NMU: variants seen among roughly 807,000 people sequenced by gnomAD.
The protein encoded by NMU is neuromedin U.
NMU carries 29 observed loss-of-function variants against 35.4 expected under a neutral mutation model. That is an observed-to-expected ratio of 0.82 (90% CI 0.61 to 1.12). The LOEUF (loss-of-function observed/expected upper bound fraction) is 1.12. Among genes scored for constraint, NMU ranks in the 50% most tolerant of loss-of-function variants. NMU has a pLI of 0.00. For synonymous variants in NMU, 78 were observed against 81.3 expected, an observed-to-expected ratio of 0.96 and a Z score of 0.22; for missense variants, 199 against 206.2, an observed-to-expected ratio of 0.97 and a Z score of 0.21.
chr4:55,599,698 C>T (rs1200794647), intron 8 of NMU, among the ~76,000 whole-genome samples: 3 of 152,106 alleles, frequency 2.0e-5, no homozygotes, highest in Admixed American at 6.6e-5. Flanking sequence ...TTTCATCAAC[C>T]GATTCCCATT....
chr4:55,618,076 T>C (rs962934279), intron 2 of NMU, among the ~76,000 whole-genome samples: 2 of 152,242 alleles, frequency 1.3e-5, no homozygotes, highest in African/African-American at 4.8e-5. Context: ...TGGTTTTGAA[T>C]GCCACTGACT....
chr4:55,630,298 G>T, intron 2 of NMU, 104 bp downstream of exon 2: 3 of 907,892 alleles, frequency 3.3e-6, no homozygotes, highest in Non-Finnish European at 5.4e-6. Context: ...TTATTAGAGT[G>T]TTGGTAAAAT....
At position 55,616,004 on chromosome 4, in the gene NMU, C is replaced by T. The variant is rs1261645277; in HGVS notation, c.219+334G>A. The stretch of plus-strand genomic sequence containing the variant: ...CCTCAAGTGATCCTCCCACCTGGGC[C>T]TCTCAAAGCACTGGGATTACAGGCA... On this transcript the variant is annotated intron_variant, in intron 3 of 9. Transcript: ENST00000264218. 2.0e-5 allele frequency among the ~76,000 whole-genome samples: 3 copies of T among 152,172 alleles called. No individual in the cohort carries two copies. The East Asian group carries it at 5.8e-4, about 29-fold the overall frequency.
At chr4:55,611,268 T>A in intron 3 of NMU, among the ~76,000 whole-genome samples, 1 of 152,008 alleles carries the variant, frequency 6.6e-6, no homozygotes, top group Non-Finnish European at 1.5e-5. Flanking sequence ...GAGGCTGAAA[T>A]GGGAGGATCA....
Position 55,612,041 on chromosome 4 carries a change from T to C in NMU, c.220-2862A>G, listed in dbSNP as rs545408384. Among the ~76,000 whole-genome samples, 34 of 152,274 alleles carry C rather than the reference T, an allele frequency of 2.2e-4. 1 individual carries two copies. Among genetic ancestry groups the C allele is most frequent in the Admixed American group, 1.9e-3 (29 of 15,286 alleles). On this transcript the variant is annotated intron_variant, in intron 3 of 9. Transcript: ENST00000264218. ...GATTTGTAGATATTATTGTGTTGCA[T>C]TGGTATTGCCTGCTAAGCCTGGAGT...
intron 2 of NMU, among the ~76,000 whole-genome samples, chr4:55,627,129 G>C (rs1354900198): frequency 6.6e-6 from 1 of 152,170 alleles, no homozygotes; most frequent in Non-Finnish European, 1.5e-5. Context: ...TAAATTTCCA[G>C]TACCCTGGGA....
In NMU at chr4:55,596,361, G is replaced by A. The variant is rs549877352; in HGVS notation, c.*5-950C>T. ...TAAAGCAATTATTCTCAATTTTGGA[G>A]GTTTTTTTTTTTTTTTACTAAATTC... On this transcript the variant is annotated intron_variant, in intron 9 of 9. Transcript: ENST00000264218. Among the ~76,000 whole-genome samples the A allele has an allele frequency of 3.7e-5, 5 of 135,856 alleles. No homozygotes were observed. The South Asian group carries it at 1.2e-3, about 33-fold the overall frequency. 89.1% of individuals were successfully genotyped at this position (135,856 alleles called of 152,430 possible). A position where few individuals can be genotyped will look rare whatever the true frequency, so the allele number is the denominator to read the frequency against.
chr4:55,628,561 C>T (rs1734631400), intron 2 of NMU, among the ~76,000 whole-genome samples: 1 of 152,036 alleles, frequency 6.6e-6, no homozygotes, highest in Non-Finnish European at 1.5e-5. Flanking sequence ...TGCAGTGGTG[C>T]CATCTCGGCT....
At chr4:55,612,187 T>C (rs1229698204) in intron 3 of NMU, among the ~76,000 whole-genome samples, 2 of 152,224 alleles carry the variant, frequency 1.3e-5, no homozygotes, top group African/African-American at 4.8e-5. Context: ...TCCCTATAAC[T>C]TCCCTTAACA....
At chr4:55,619,397 G>A (rs1734276094) in intron 2 of NMU, among the ~76,000 whole-genome samples, 1 of 125,352 alleles carries the variant, frequency 8.0e-6, no homozygotes, top group African/African-American at 3.0e-5. Context: ...TCAAAGAAAG[G>A]GGTGACGGAC....
Position 55,616,387 on chromosome 4 carries a change from T to C in NMU, c.172-2A>G, listed in dbSNP as rs1734111117. The C allele has an allele frequency of 1.2e-6, 2 of 1,610,078 alleles. No individual in the cohort carries two copies. The highest frequency in any genetic ancestry group is 4.5e-5 in the East Asian group (2 of 44,846). On this transcript the variant is annotated splice_acceptor_variant, in intron 2 of 9. Coordinates refer to ENST00000264218, the MANE Select transcript of NMU (RefSeq NM_006681.4). LOFTEE classifies it high-confidence loss of function. ...AAAAGACGAACAAGTATCATCTATCTGTAGAAAACAAAAATGTCAGTTACA... is the reference window on the plus strand; with the variant it reads ...AAAAGACGAACAAGTATCATCTATCCGTAGAAAACAAAAATGTCAGTTACA...
Position 55,595,623 on chromosome 4 carries a change from G to GTA in NMU, c.*5-214_*5-213dup, listed in dbSNP as rs150284330. Among the ~76,000 whole-genome samples the GTA allele has an allele frequency of 5.4e-3, 554 of 102,102 alleles. 9 individuals carry two copies. The highest frequency in any genetic ancestry group is 0.019 in the African/African-American group (500 of 26,386). 67.0% of individuals were successfully genotyped at this position (102,102 alleles called of 152,430 possible). On this transcript the variant is annotated intron_variant, in intron 9 of 9. Coordinates refer to ENST00000264218, the MANE Select transcript of NMU (RefSeq NM_006681.4). ...AAGAAATATATATATGTGTGTGTGT[G>GTA]TATATATATATATATATATATTTTT... is the stretch of plus-strand genomic sequence containing the variant.
intron 1 of NMU, among the ~76,000 whole-genome samples, chr4:55,633,700 T>C (rs1715739998): frequency 6.6e-6 from 1 of 152,254 alleles, no homozygotes; most frequent in Non-Finnish European, 1.5e-5. Flanking sequence ...ATTCTAAAAG[T>C]AGCACCAATT....
rs755992836 is a variant in NMU, at chr4:55,630,460, C to T, written c.113G>A (p.Gly38Asp). 1 of 1,609,774 alleles carries T rather than the reference C, an allele frequency of 6.2e-7. No individual in the cohort carries two copies. Among genetic ancestry groups the T allele is most frequent in the Admixed American group, 1.7e-5 (1 of 59,994 alleles). ...LLAWCAGACR[G>D]APILPQGLQP... ...TAATCCTTGAGGTAATATTGGAGCA[C>T]CTAAAAATAAAGTTGTAGCCACAGA... is the stretch of plus-strand genomic sequence containing the variant. The change falls in exon 2 of 10, where the codon GGT becomes GAT. Residue 38 changes from glycine (G) to aspartate (D), a missense_variant and splice_region_variant. Gly to Asp is a moderately conservative substitution (Grantham distance 94, BLOSUM62 -1). Coordinates refer to ENST00000264218, the MANE Select transcript of NMU (RefSeq NM_006681.4).
At chr4:55,627,601 G>A (rs1194245045) in intron 2 of NMU, among the ~76,000 whole-genome samples, 1 of 151,706 alleles carries the variant, frequency 6.6e-6, no homozygotes, top group Non-Finnish European at 1.5e-5. Flanking sequence ...TGTATTTTTG[G>A]TTAATTTCTA....
chr4:55,604,896 G>A (rs910854226), intron 7 of NMU, among the ~76,000 whole-genome samples: 1 of 151,686 alleles, frequency 6.6e-6, no homozygotes, highest in Admixed American at 6.6e-5. Flanking sequence ...TTGCCAAGCT[G>A]GATACAGAGG....
upstream of NMU, chr4:55,636,369 C>A (rs1267503406): frequency 4.1e-6 from 4 of 966,292 alleles, no homozygotes; most frequent in African/African-American, 5.2e-5. This position sits in a 1 kb window ranked among gnomAD's most constrained non-coding sequence, Gnocchi z 4.0. Flanking sequence ...CCCCGCCGCG[C>A]GTCACCTCGC....
intron 8 of NMU, 75 bp downstream of exon 8, chr4:55,600,447 A>G: frequency 3.0e-6 from 3 of 989,832 alleles, no homozygotes; most frequent in Non-Finnish European, 4.8e-6. Flanking sequence ...TTGAAATGTA[A>G]AAGTTAAATA....
At chr4:55,616,794 A>G (rs1029158351) in intron 2 of NMU, among the ~76,000 whole-genome samples, 3 of 152,236 alleles carry the variant, frequency 2.0e-5, no homozygotes, top group Admixed American at 6.5e-5. Flanking sequence ...ACCTAAATTA[A>G]CATAATAACA....
Sources: allele counts gnomAD v4.1 joint callset (sites outside exome capture counted in the v4.1 genomes callset), GRCh38; gene constraint gnomAD v4.1.1; non-coding constraint Gnocchi (gnomAD v3.1); transcripts MANE v1.5; gene names NCBI Gene and HGNC (gene_info 2026-07-23, HGNC 2026-07-21).